The following ANKRD45 variants were observed in gnomAD, a reference collection of about 807,000 sequenced individuals.
ANKRD45 encodes the protein ankyrin repeat domain-containing protein 45.
A neutral mutation model predicts 28.1 loss-of-function variants in ANKRD45; 21 were observed. The ratio of observed to expected loss-of-function variants is 0.75; its 90% confidence interval spans 0.53 to 1.08. ANKRD45 has a LOEUF of 1.08. Ranked by LOEUF, ANKRD45 falls within the 50% of genes least tolerant of loss-of-function variation. The pLI, the probability that ANKRD45 is intolerant of heterozygous loss-of-function variation, is 0.00. For missense variants in ANKRD45, 261 were observed against 308.7 expected (o/e 0.85, Z 1.16); for synonymous variants, 86 against 103.9 (o/e 0.83, Z 1.05).
intron 3 of ANKRD45, among the ~76,000 whole-genome samples, chr1:173,643,816 A>G (rs931726778): frequency 6.6e-6 from 1 of 152,194 alleles, no homozygotes; most frequent in African/African-American, 2.4e-5. Context: ...TTCAAAAATA[A>G]TACTTGAAAC....
chr1:173,663,056 C>CACACACAT (rs1236473422), intron 1 of ANKRD45, among the ~76,000 whole-genome samples: 7 of 84,552 alleles, frequency 8.3e-5, no homozygotes, highest in African/African-American at 3.1e-4. Flanking sequence ...ACCCTTCCAA[C>CACACACAT]ACACACACAC....
chr1:173,662,801 C>T (rs997130601), intron 1 of ANKRD45, among the ~76,000 whole-genome samples: 2 of 152,084 alleles, frequency 1.3e-5, no homozygotes, highest in African/African-American at 4.8e-5. Context: ...TGCGGTGTGG[C>T]TACCCCATCT....
chr1:173,618,309 G>A (rs916668300), intron 5 of ANKRD45, among the ~76,000 whole-genome samples: 1 of 152,204 alleles, frequency 6.6e-6, no homozygotes, highest in African/African-American at 2.4e-5. Context: ...TGAAATGACA[G>A]TAGGCTTTAG....
At chr1:173,610,777 C>A (rs1667110181) in intron 5 of ANKRD45, among the ~76,000 whole-genome samples, 1 of 151,674 alleles carries the variant, frequency 6.6e-6, no homozygotes, top group Admixed American at 6.6e-5. Context: ...GGTAACATAG[C>A]AAGACCCTGT....
chr1:173,638,158 A>G (rs1011021910), intron 3 of ANKRD45, among the ~76,000 whole-genome samples: 1 of 152,050 alleles, frequency 6.6e-6, no homozygotes, highest in Non-Finnish European at 1.5e-5. Context: ...CATGAACACA[A>G]ACAGGAAGGG....
chr1:173,711,423 G>A, the ANKRD45 span, among the ~76,000 whole-genome samples: 2 of 152,216 alleles, frequency 1.3e-5, no homozygotes, highest in African/African-American at 4.8e-5. Flanking sequence ...ACTCAAAGCA[G>A]GGAGAAGGCT....
At chr1:173,677,272 A>G in the ANKRD45 span, among the ~76,000 whole-genome samples, 2 of 152,048 alleles carry the variant, frequency 1.3e-5, no homozygotes, top group African/African-American at 4.8e-5. Flanking sequence ...GAAGTCAATT[A>G]AATTTGTTTT....
chr1:173,662,494 A>T (rs1669819925), intron 1 of ANKRD45, among the ~76,000 whole-genome samples: 1 of 152,196 alleles, frequency 6.6e-6, no homozygotes, highest in South Asian at 2.1e-4. Flanking sequence ...GATTCTTTTC[A>T]CACATAATGA....
chr1:173,648,004 ACGAT>A (rs1358688951), intron 2 of ANKRD45, among the ~76,000 whole-genome samples: 4 of 151,686 alleles, frequency 2.6e-5, no homozygotes, highest in African/African-American at 9.7e-5. Context: ...GTGCGGTGGC[ACGAT>A]CTCGGCTCAC....
intron 3 of ANKRD45, among the ~76,000 whole-genome samples, chr1:173,645,551 A>T (rs1558134136): frequency 6.6e-6 from 1 of 152,218 alleles, no homozygotes; most frequent in Non-Finnish European, 1.5e-5. Flanking sequence ...TCAGAGAAGG[A>T]AACTGAGGTA....
chr1:173,659,103 TTTCA>T lies in ANKRD45; in HGVS notation c.312_315del (p.Asn104LysfsTer22). The stretch of plus-strand genomic sequence containing the variant: ...AAAGACAAAATACCTCTGGTGGTTT[TTTCA>T]TTCAGATTCACACCATATTTTGCCA... On this transcript the variant is annotated frameshift_variant, in exon 2 of 6. Transcript: ENST00000333279. LOFTEE classifies it high-confidence loss of function. 1 of 1,613,478 alleles carries T rather than the reference TTTCA, an allele frequency of 6.2e-7. No homozygotes were observed.
At chr1:173,618,055 G>A (rs891662448) in intron 5 of ANKRD45, among the ~76,000 whole-genome samples, 1 of 152,050 alleles carries the variant, frequency 6.6e-6, no homozygotes, top group Non-Finnish European at 1.5e-5. Context: ...CAGAAAAGTG[G>A]CCTGACTTTT....
At chr1:173,649,609 G>T (rs1669091209) in intron 2 of ANKRD45, among the ~76,000 whole-genome samples, 1 of 151,964 alleles carries the variant, frequency 6.6e-6, no homozygotes, top group Non-Finnish European at 1.5e-5. Flanking sequence ...GGCTTATTTT[G>T]TCATTTTGTT....
At chr1:173,680,369 A>G in the ANKRD45 span, among the ~76,000 whole-genome samples, 54 of 152,226 alleles carry the variant, frequency 3.5e-4, no homozygotes, top group African/African-American at 1.2e-3. Context: ...ATAAAAAAGG[A>G]TGAGTCCACG....
chr1:173,706,693 T>G, the ANKRD45 span, among the ~76,000 whole-genome samples: 1 of 152,200 alleles, frequency 6.6e-6, no homozygotes, highest in Non-Finnish European at 1.5e-5. Context: ...TATCCCATTG[T>G]TTATTTAATC....
At chr1:173,619,149 G>C (rs911769316) in intron 5 of ANKRD45, among the ~76,000 whole-genome samples, 2 of 152,144 alleles carry the variant, frequency 1.3e-5, no homozygotes, top group African/African-American at 4.8e-5. Context: ...ACTAAATATG[G>C]GAAGGAAAAC....
intron 5 of ANKRD45, among the ~76,000 whole-genome samples, chr1:173,619,374 A>G (rs1360551630): frequency 6.6e-6 from 1 of 152,212 alleles, no homozygotes; most frequent in Admixed American, 6.5e-5. Context: ...ACCCATCAGT[A>G]TGCTGTCTTC....
chr1:173,707,185 TTATGA>T, the ANKRD45 span, among the ~76,000 whole-genome samples: 5 of 152,190 alleles, frequency 3.3e-5, no homozygotes, highest in Admixed American at 3.3e-4. Flanking sequence ...TATGAACGCT[TTATGA>T]TATATTAATA....
chr1:173,653,231 A>G (rs1255300055), intron 2 of ANKRD45, among the ~76,000 whole-genome samples: 1 of 152,208 alleles, frequency 6.6e-6, no homozygotes, highest in African/African-American at 2.4e-5. Context: ...TCTTGTGGGC[A>G]TTTAGTGCTA....
Sources: allele counts gnomAD v4.1 joint callset (sites outside exome capture counted in the v4.1 genomes callset), GRCh38; gene constraint gnomAD v4.1.1; transcripts MANE v1.5; gene names NCBI Gene and HGNC (gene_info 2026-07-23, HGNC 2026-07-21).